The following PSD3 variants were observed in gnomAD, a reference collection of about 807,000 sequenced individuals.
PSD3 encodes the protein PH and SEC7 domain-containing protein 3.
A neutral mutation model predicts 105.5 loss-of-function variants in PSD3; 49 were observed. The ratio of observed to expected loss-of-function variants is 0.46; its 90% CI spans 0.37 to 0.59. PSD3 has a LOEUF of 0.59. Ranked by LOEUF, PSD3 falls within the 20% of genes least tolerant of loss-of-function variation. The pLI, the probability that PSD3 is intolerant of heterozygous loss-of-function variation, is 0.00. For synonymous variants in PSD3, 557 were observed against 457.8 expected (o/e 1.22, Z -2.77); for missense variants, 1,561 against 1,263.8 (o/e 1.24, Z -3.57).
chr8:18,928,428 T>C (rs1481794794), intron 2 of PSD3, among the ~76,000 whole-genome samples: 1 of 152,236 alleles, frequency 6.6e-6, no homozygotes, highest in Non-Finnish European at 1.5e-5. Flanking sequence ...GGTGTGTCTT[T>C]ATTAGCAGCG....
Position 18,534,473 on chromosome 8 carries a change from C to G in PSD3, c.*1270G>C, listed in dbSNP as rs1295134963. On this transcript the variant is annotated 3_prime_UTR_variant, in exon 16 of 16. Transcript: ENST00000327040. ...AGTTAATAGAACCATTTTGAGTAGA[C>G]AGAAAGAAAGGACTGAAAATAGATG... 1 of 152,314 alleles carries G rather than the reference C, an allele frequency of 6.6e-6. No homozygotes were observed. Among genetic ancestry groups the G allele is most frequent in the African/African-American group, 2.4e-5 (1 of 41,316 alleles). 9.4% of individuals were successfully genotyped at this position (152,314 alleles called of 1,614,324 possible). A position where few individuals can be genotyped will look rare whatever the true frequency, so the allele number is the denominator to read the frequency against.
chr8:19,056,972 G>A (rs1311021341), intron 1 of PSD3, among the ~76,000 whole-genome samples: 1 of 151,992 alleles, frequency 6.6e-6, no homozygotes, highest in Non-Finnish European at 1.5e-5. Context: ...GTCTGATAAG[G>A]GTATGAACTT....
At chr8:18,950,517 T>C (rs991207127) in intron 1 of PSD3, among the ~76,000 whole-genome samples, 2 of 152,176 alleles carry the variant, frequency 1.3e-5, no homozygotes, top group Non-Finnish European at 2.9e-5. Context: ...TTGCACCCTC[T>C]GGCCATCATC....
intron 9 of PSD3, among the ~76,000 whole-genome samples, chr8:18,692,214 G>A (rs112364890): frequency 2.0e-5 from 3 of 152,296 alleles, no homozygotes; most frequent in African/African-American, 7.2e-5. Context: ...AAAATATTAT[G>A]CAAATCCAGA....
intron 2 of PSD3, among the ~76,000 whole-genome samples, chr8:18,908,702 ACGT>A (rs1820004846): frequency 6.6e-6 from 1 of 152,132 alleles, no homozygotes; most frequent in African/African-American, 2.4e-5. Flanking sequence ...GCACTTAATT[ACGT>A]ATCATCTTCT....
At chr8:18,782,617 C>G (rs1808748716) in intron 8 of PSD3, among the ~76,000 whole-genome samples, 1 of 152,202 alleles carries the variant, frequency 6.6e-6, no homozygotes, top group South Asian at 2.1e-4. Context: ...TTGGTAAAAG[C>G]AGGTCAGGAG....
intron 1 of PSD3, among the ~76,000 whole-genome samples, chr8:19,063,937 T>A (rs1244124466): frequency 6.6e-6 from 1 of 151,820 alleles, no homozygotes; most frequent in Non-Finnish European, 1.5e-5. Context: ...AGGTCAGGAG[T>A]TCGAGACCAG....
intron 4 of PSD3, among the ~76,000 whole-genome samples, chr8:18,823,098 G>GAA (rs11327176): frequency 2.2e-5 from 3 of 139,288 alleles, no homozygotes; most frequent in African/African-American, 7.9e-5. Flanking sequence ...GGAGAGACAG[G>GAA]AAAAAAAAAA....
rs550994047 is a variant in PSD3 at position 18,535,972 on chromosome 8, C to A, written c.2929-14G>T. On this transcript the variant is annotated splice_polypyrimidine_tract_variant and intron_variant, in intron 15 of 15. Transcript: ENST00000327040. ...ATAGCGGGTTTTCTGAAGGCAAAGC[C>A]AGAGAACAACGGTAGTCAGAAAACT... 2.8e-5 allele frequency: 45 copies of A among 1,608,456 alleles called. No individual in the cohort carries two copies. The highest frequency in any genetic ancestry group is 3.7e-5 in the Non-Finnish European group (43 of 1,175,464).
At chr8:18,866,927 C>A (rs1816983584) in intron 4 of PSD3, among the ~76,000 whole-genome samples, 1 of 151,486 alleles carries the variant, frequency 6.6e-6, no homozygotes, top group Non-Finnish European at 1.5e-5. Context: ...TATACCAAAA[C>A]AAAATTCATA....
At chr8:18,790,289 T>G (rs1392732165) in intron 8 of PSD3, among the ~76,000 whole-genome samples, 2 of 151,786 alleles carry the variant, frequency 1.3e-5, no homozygotes, top group African/African-American at 4.8e-5. Flanking sequence ...ATCATAACAT[T>G]TTTCTTTTTT....
intron 9 of PSD3, among the ~76,000 whole-genome samples, chr8:18,687,638 T>A (rs1224064846): frequency 6.6e-6 from 1 of 152,168 alleles, no homozygotes; most frequent in Non-Finnish European, 1.5e-5. Context: ...CAGTTTCCTA[T>A]GCATCCTTCC....
At chr8:18,701,585 T>G (rs1421632709) in intron 9 of PSD3, among the ~76,000 whole-genome samples, 1 of 152,204 alleles carries the variant, frequency 6.6e-6, no homozygotes, top group Non-Finnish European at 1.5e-5. Flanking sequence ...GTCTCATCAT[T>G]TAAGTGAAGT....
intron 2 of PSD3, among the ~76,000 whole-genome samples, chr8:18,921,081 T>C (rs1820982779): frequency 6.6e-6 from 1 of 152,258 alleles, no homozygotes; most frequent in Admixed American, 6.5e-5. Flanking sequence ...TGAGAAACCT[T>C]CTTCAGAAAT....
intron 9 of PSD3, among the ~76,000 whole-genome samples, chr8:18,711,170 G>C (rs1802229072): frequency 6.6e-6 from 1 of 152,114 alleles, no homozygotes; most frequent in African/African-American, 2.4e-5. Context: ...ATGGTTACCA[G>C]CCACTACAAA....
At chr8:18,666,030 A>G (rs1206208554) in intron 9 of PSD3, among the ~76,000 whole-genome samples, 1 of 152,176 alleles carries the variant, frequency 6.6e-6, no homozygotes, top group Non-Finnish European at 1.5e-5. Flanking sequence ...AATGACACAC[A>G]TAATAAACTA....
intron 1 of PSD3, among the ~76,000 whole-genome samples, chr8:19,052,400 A>C (rs1034742491): frequency 6.6e-6 from 1 of 150,940 alleles, no homozygotes; most frequent in African/African-American, 2.4e-5. Context: ...TGAACCCAGG[A>C]GGCAGAGGTT....
At chr8:18,847,045 AAG>A (rs1392247371) in intron 4 of PSD3, among the ~76,000 whole-genome samples, 1 of 152,162 alleles carries the variant, frequency 6.6e-6, no homozygotes, top group Non-Finnish European at 1.5e-5. Context: ...CTGGATAAGC[AAG>A]AGTCAAGAAA....
In PSD3 at chr8:18,572,201, T is replaced by C. The variant is rs773216530; in HGVS notation, c.2784+327A>G. Among the ~76,000 whole-genome samples the C allele has an allele frequency of 9.5e-4, 144 of 152,178 alleles. 1 individual carries two copies. Among genetic ancestry groups the C allele is most frequent in the Non-Finnish European group, 1.6e-3 (110 of 68,034 alleles). ...CAATAAAAATGAGCTAATAAATGAA[T>C]GCAAGAAAAGCTTGTTACCAAGCCA... On this transcript the variant is annotated intron_variant, in intron 14 of 15. Transcript: ENST00000327040.
Sources: gnomAD v4.1 joint callset for allele counts (sites outside exome capture counted in the v4.1 genomes callset) on GRCh38, gnomAD v4.1.1 for gene constraint, MANE v1.5 for transcripts, NCBI Gene and HGNC (gene_info 2026-07-23, HGNC 2026-07-21) for gene names.